The following WASF1 variants were observed in gnomAD, a reference collection of about 807,000 sequenced individuals.
WASF1 encodes the protein WASP family member 1, also known as actin-binding protein WASF1.
A neutral mutation model predicts 50.5 loss-of-function variants in WASF1; 7 were observed. The observed-to-expected ratio is 0.14, with a 90% CI of 0.08 to 0.26. The LOEUF (loss-of-function observed/expected upper bound fraction) is 0.26. Among genes scored for constraint, WASF1 ranks in the 10% least tolerant of loss-of-function variants. The probability of loss-of-function intolerance (pLI) is 1.00; values close to 1 mark genes in which losing one functional copy is unlikely to be tolerated. For synonymous variants in WASF1, 205 were observed against 244.0 expected (o/e 0.84, Z 1.49); for missense variants, 470 against 694.7 (o/e 0.68, Z 3.64).
intron 2 of WASF1, among the ~76,000 whole-genome samples, chr6:110,175,482 T>A (rs960554880): frequency 1.8e-4 from 27 of 152,082 alleles, no homozygotes; most frequent in African/African-American, 6.5e-4. Flanking sequence ...AGAAATGTCC[T>A]CATAAGAGGG....
Position 110,101,931 on chromosome 6 carries a change from T to C in WASF1, c.1179A>G (p.Leu393=). 2 of 1,609,746 alleles carry C rather than the reference T, an allele frequency of 1.2e-6. No individual in the cohort carries two copies. Among genetic ancestry groups the C allele is most frequent in the African/African-American group, 1.3e-5 (1 of 74,870 alleles). The change falls in exon 10 of 11, where the codon CTA becomes CTG. Residue 393 remains leucine, a synonymous_variant. Transcript: ENST00000392589. ...HPAPPPIAPP[L]VQPSPPVARA... is the part of the protein sequence containing the mutation. ...TAGCTACTGGTGGAGAGGGCTGTAC[T>C]AGAGGAGGTGCAATTGGAGGAGGAG...
At chr6:110,178,330 T>C (rs1021798250) in intron 2 of WASF1, among the ~76,000 whole-genome samples, 12 of 152,196 alleles carry the variant, frequency 7.9e-5, no homozygotes, top group African/African-American at 2.9e-4. Context: ...GGATAAACTG[T>C]TCCTGAGAGT....
chr6:110,120,405 C>CAGAG (rs1774042878), intron 4 of WASF1, among the ~76,000 whole-genome samples: 5 of 146,896 alleles, frequency 3.4e-5, no homozygotes, highest in Admixed American at 6.8e-5. Context: ...AACAGACAAA[C>CAGAG]AGCCAAATCA....
intron 2 of WASF1, among the ~76,000 whole-genome samples, chr6:110,175,082 A>T (rs2114630283): frequency 6.6e-6 from 1 of 152,232 alleles, no homozygotes; most frequent in South Asian, 2.1e-4. Flanking sequence ...ATAGCACCCC[A>T]GGTAAGGCTG....
chr6:110,107,234 A>T, intron 6 of WASF1, 40 bp from the exon 7 acceptor site: 1 of 1,283,784 alleles, frequency 7.8e-7, no homozygotes, highest in Middle Eastern at 1.9e-4. Context: ...CATTAGTAAG[A>T]CTTAGGCAAT....
chr6:110,163,565 T>C (rs901698195), intron 2 of WASF1, among the ~76,000 whole-genome samples: 2 of 151,530 alleles, frequency 1.3e-5, no homozygotes, highest in African/African-American at 2.4e-5. Context: ...ATTGTTAGGA[T>C]GTCATCATAT....
intron 4 of WASF1, among the ~76,000 whole-genome samples, chr6:110,119,776 A>G (rs963020407): frequency 1.3e-5 from 2 of 152,236 alleles, no homozygotes; most frequent in African/African-American, 2.4e-5. Flanking sequence ...ATGAACACCA[A>G]TGCAAAAATC....
At chr6:110,113,284 A>C in intron 5 of WASF1, 42 bp downstream of exon 5, 1 of 1,446,106 alleles carries the variant, frequency 6.9e-7, no homozygotes, top group Middle Eastern at 1.9e-4. Flanking sequence ...CATCTAACTT[A>C]AAATATATAC....
At chr6:110,113,784 A>C (rs138146808) in intron 4 of WASF1, among the ~76,000 whole-genome samples, 1,818 of 152,286 alleles carry the variant, frequency 0.012, 11 homozygotes, top group South Asian at 0.028. Context: ...AAATACTAAA[A>C]ATTTTAAAGT....
chr6:110,103,330 A>G, intron 9 of WASF1, 48 bp downstream of exon 9: 1 of 1,567,494 alleles, frequency 6.4e-7, no homozygotes, highest in Non-Finnish European at 8.7e-7. Context: ...TGAAAGAAAA[A>G]GCTTACTGAC....
chr6:110,138,510 T>C (rs1368893090), intron 3 of WASF1, among the ~76,000 whole-genome samples: 1 of 152,224 alleles, frequency 6.6e-6, no homozygotes, highest in African/African-American at 2.4e-5. Flanking sequence ...GAATGAAGCA[T>C]GTGAAGAGGA....
chr6:110,137,419 C>T lies in WASF1; in HGVS notation c.-28-9790G>A, dbSNP rs531083038. 1.6e-4 allele frequency among the ~76,000 whole-genome samples: 24 copies of T among 152,302 alleles called. 1 individual carries two copies. Among genetic ancestry groups the T allele is most frequent in the African/African-American group, 5.3e-4 (22 of 41,566 alleles). ...ACTTTAATTCAAACCATAGTCCTCT[C>T]TCACTTGGTTAGACTTATGAAAACA... On this transcript the variant is annotated intron_variant, in intron 3 of 10. Transcript: ENST00000392589.
intron 3 of WASF1, among the ~76,000 whole-genome samples, chr6:110,131,475 T>C (rs1774667665): frequency 2.0e-5 from 3 of 152,204 alleles, no homozygotes; most frequent in Admixed American, 1.3e-4. Context: ...TACTATTCCA[T>C]TGCTCTTTTT....
chr6:110,100,263 A>T lies in WASF1; in HGVS notation c.*259T>A. 1 of 314,902 alleles carries T rather than the reference A, an allele frequency of 3.2e-6. No homozygotes were observed. Among genetic ancestry groups the T allele is most frequent in the Non-Finnish European group, 5.8e-6 (1 of 171,692 alleles). The allele number at this position is 314,902 out of a possible 1,614,324, so 19.5% of individuals were successfully genotyped here. ...AAACTGAATCTGCTACTCTAACAAC[A>T]GCTGTCCATGCTTAATACTTAGTGG... On this transcript the variant is annotated 3_prime_UTR_variant, in exon 11 of 11. Transcript: ENST00000392589.
intron 3 of WASF1, among the ~76,000 whole-genome samples, chr6:110,137,306 C>T (rs962238996): frequency 1.3e-5 from 2 of 152,208 alleles, no homozygotes; most frequent in East Asian, 3.9e-4. Context: ...GCAATCTCTT[C>T]TCTATATCCA....
At chr6:110,149,484 TAAA>T (rs71729607) in intron 3 of WASF1, among the ~76,000 whole-genome samples, 45 of 103,256 alleles carry the variant, frequency 4.4e-4, no homozygotes, top group South Asian at 9.0e-4. Flanking sequence ...GACTCTGTCT[TAAA>T]AAAAAAAAAA....
chr6:110,119,610 T>C (rs1393197512), intron 4 of WASF1, among the ~76,000 whole-genome samples: 2 of 151,970 alleles, frequency 1.3e-5, no homozygotes, highest in Non-Finnish European at 2.9e-5. Context: ...CTACCAGAGG[T>C]AAAAAGAAGA....
intron 8 of WASF1, among the ~76,000 whole-genome samples, chr6:110,104,378 T>C (rs1457884347): frequency 6.6e-6 from 1 of 152,216 alleles, no homozygotes; most frequent in Non-Finnish European, 1.5e-5. Context: ...TACAGATAAA[T>C]AGTATCTCTC....
intron 3 of WASF1, among the ~76,000 whole-genome samples, chr6:110,138,112 C>T (rs1775052249): frequency 6.6e-6 from 1 of 152,248 alleles, no homozygotes; most frequent in South Asian, 2.1e-4. Flanking sequence ...TAAGCAAGCA[C>T]AGGGTCTGGC....
Sources: gnomAD v4.1 joint callset for allele counts (sites outside exome capture counted in the v4.1 genomes callset) on GRCh38, gnomAD v4.1.1 for gene constraint, MANE v1.5 for transcripts, NCBI Gene and HGNC (gene_info 2026-07-23, HGNC 2026-07-21) for gene names.